Variants in ZNF554 observed in about 807,000 individuals in gnomAD.
ZNF554 encodes the protein zinc finger protein 554.
ZNF554 carries 15 observed loss-of-function variants against 21.2 expected under a neutral mutation model. The observed-to-expected ratio is 0.71, with a 90% CI of 0.47 to 1.09. The LOEUF is 1.09. Ranked by LOEUF, ZNF554 falls within the 50% of genes least tolerant of loss-of-function variation. The pLI, the probability that ZNF554 is intolerant of heterozygous loss-of-function variation, is 0.00. For synonymous variants in ZNF554, 258 were observed against 251.4 expected (o/e 1.03, Z -0.25); for missense variants, 691 against 662.7 (o/e 1.04, Z -0.47).
chr19:2,828,315 G>A (rs1445470351), intron 3 of ZNF554, among the ~76,000 whole-genome samples: 1 of 152,188 alleles, frequency 6.6e-6, no homozygotes, highest in Non-Finnish European at 1.5e-5. Flanking sequence ...GCAATTGCAT[G>A]TCTCAGCTCA....
intron 2 of ZNF554, 144 bp from the exon 3 acceptor site, chr19:2,827,473 C>T (rs2144811812): frequency 1.0e-6 from 1 of 990,360 alleles, no homozygotes; most frequent in East Asian, 2.7e-5. Flanking sequence ...GGACAAGCAC[C>T]CACAAGGCAG....
Position 2,835,648 on chromosome 19 carries a change from G to A in ZNF554, c.*796G>A, listed in dbSNP as rs1042181321. The A allele has an allele frequency of 3.9e-5, 6 of 152,046 alleles. No individual in the cohort carries two copies. The highest frequency in any genetic ancestry group is 1.3e-4 in the Admixed American group (2 of 15,272). The allele number at this position is 152,046 out of a possible 1,614,324, so 9.4% of individuals were successfully genotyped here. On this transcript the variant is annotated 3_prime_UTR_variant, in exon 5 of 5. Coordinates refer to ENST00000317243, the MANE Select transcript of ZNF554 (RefSeq NM_001102651.2). ...GTGGGAGGAGTTGCCATTACACTAC[G>A]TCCAGTAAGCTCCAGACTTTCGGAA...
At chr19:2,827,192 A>G (rs576029407) in intron 2 of ZNF554, among the ~76,000 whole-genome samples, 19 of 152,338 alleles carry the variant, frequency 1.2e-4, no homozygotes, top group African/African-American at 4.1e-4. Flanking sequence ...TCTTCTTTCC[A>G]TTGAACAGAT....
intron 2 of ZNF554, among the ~76,000 whole-genome samples, chr19:2,826,713 G>A (rs2087339526): frequency 6.6e-6 from 1 of 150,778 alleles, no homozygotes; most frequent in East Asian, 2.0e-4. Context: ...CCAGGCTGGA[G>A]TGCAGTGGCG....
chr19:2,824,097 C>G (rs1306753953), intron 2 of ZNF554, among the ~76,000 whole-genome samples: 1 of 152,200 alleles, frequency 6.6e-6, no homozygotes, highest in African/African-American at 2.4e-5. Context: ...CCTGCAGGGA[C>G]TAGGGAGTCC....
Position 2,820,118 on chromosome 19 carries a change from C to T in ZNF554, c.47C>T (p.Ala16Val). The T allele has an allele frequency of 8.2e-7, 1 of 1,220,978 alleles. No individual in the cohort carries two copies. The highest frequency in any genetic ancestry group is 1.0e-6 in the Non-Finnish European group (1 of 980,802). 75.6% of individuals were successfully genotyped at this position (1,220,978 alleles called of 1,614,324 possible). A position where few individuals can be genotyped will look rare whatever the true frequency, so the allele number is the denominator to read the frequency against. ...GGCCGGCGCGCGCGGCTCCCGGCAG[C>T]TCAGCCGTAAGTGCCGCCGCCTCCC... Reference protein sequence around the residue: ...HLGRRARLPAAQPSACPGTCF... With the variant: ...HLGRRARLPAVQPSACPGTCF... Residue 16 changes from alanine (A) to valine (V), a missense_variant, in exon 1 of 5, where the codon GCT becomes GTT. Physicochemically the swap from Ala to Val is moderately conservative, Grantham distance 64. Transcript: ENST00000317243.
In ZNF554 at chr19:2,834,605, C is replaced by G. The variant is rs753374510; in HGVS notation, c.1370C>G (p.Thr457Ser). The G allele has an allele frequency of 6.2e-7, 1 of 1,613,942 alleles. No individual in the cohort carries two copies. The highest frequency in any genetic ancestry group is 1.7e-5 in the Admixed American group (1 of 59,998). Residue 457 changes from threonine to serine, a missense_variant, in exon 5 of 5, where the codon ACT becomes AGT. Thr to Ser is a moderately conservative substitution (Grantham distance 58). Coordinates refer to ENST00000317243, the MANE Select transcript of ZNF554 (RefSeq NM_001102651.2). ...TCCTCTCTCAACCAGCACGAGCGAA[C>G]TCACACGGGCGAGAACCCCTATGAA... ...DRSSLNQHER[T>S]HTGENPYECK... is the part of the protein sequence containing the mutation.
At chr19:2,827,509 T>C (rs1430380104) in intron 2 of ZNF554, 108 bp from the exon 3 acceptor site, 12 of 1,403,144 alleles carry the variant, frequency 8.6e-6, no homozygotes, top group African/African-American at 1.4e-5. Flanking sequence ...TTATGGACTT[T>C]GCACCTTGAC....
In ZNF554 at chr19:2,834,861, C is replaced by G. The variant is rs188183451; in HGVS notation, c.*9C>G. 1 of 1,564,266 alleles carries G rather than the reference C, an allele frequency of 6.4e-7. No homozygotes were observed. The highest frequency in any genetic ancestry group is 2.3e-5 in the East Asian group (1 of 44,270). ...ATCTTATTGGATATTAGCAATTGCACGCTGCTTTGTAAGCCACTTTTTAGT... is the reference window on the plus strand; with the variant it reads ...ATCTTATTGGATATTAGCAATTGCAGGCTGCTTTGTAAGCCACTTTTTAGT... On this transcript the variant is annotated 3_prime_UTR_variant, in exon 5 of 5. Coordinates refer to ENST00000317243, the MANE Select transcript of ZNF554 (RefSeq NM_001102651.2).
In ZNF554 at chr19:2,834,838, C is replaced by T; in HGVS notation, c.1603C>T (p.Leu535Phe). Residue 535 changes from leucine to phenylalanine, a missense_variant, in exon 5 of 5, where the codon CTT (leucine) becomes TTT (phenylalanine). By Grantham distance (22) the Leu-to-Phe change is conservative. Transcript: ENST00000317243. The part of the protein sequence containing the change: ...CGKAFYQNRH[L>F]IGY ...GAAAGCGTTCTACCAGAACAGACAT[C>T]TTATTGGATATTAGCAATTGCACGC... 2 of 1,588,722 alleles carry T rather than the reference C, an allele frequency of 1.3e-6. No homozygotes were observed. The highest frequency in any genetic ancestry group is 1.3e-5 in the African/African-American group (1 of 74,178).
At chr19:2,823,961 C>A (rs2087295831) in intron 2 of ZNF554, among the ~76,000 whole-genome samples, 2 of 152,094 alleles carry the variant, frequency 1.3e-5, no homozygotes, top group South Asian at 4.1e-4. Flanking sequence ...GAAGGTGGGG[C>A]CTTACTGGGG....
chr19:2,828,520 C>A (rs1293483431), intron 3 of ZNF554, among the ~76,000 whole-genome samples: 2 of 151,928 alleles, frequency 1.3e-5, no homozygotes, highest in African/African-American at 4.8e-5. Context: ...GAAACCCTGT[C>A]TCTACTAAAA....
chr19:2,825,000 GTTGTT>G (rs546972712), intron 2 of ZNF554, among the ~76,000 whole-genome samples: 5,853 of 114,602 alleles, frequency 0.051, 589 homozygotes, highest in East Asian at 0.27. Context: ...CGTGATTGCA[GTTGTT>G]TTTTTTTTTT....
In ZNF554 at chr19:2,824,357, C is replaced by G. The variant is rs60525035; in HGVS notation, c.126+1245C>G. ...GTTCCCCCAAGAGCACAGGGAGGCT[C>G]GAATCCACAGCTACAGGAGGACGGG... On this transcript the variant is annotated intron_variant, in intron 2 of 4. Coordinates refer to ENST00000317243, the MANE Select transcript of ZNF554 (RefSeq NM_001102651.2). Among the ~76,000 whole-genome samples, 185 of 152,194 alleles carry G rather than the reference C, an allele frequency of 1.2e-3. 1 individual carries two copies. Among genetic ancestry groups the G allele is most frequent in the African/African-American group, 4.2e-3 (176 of 41,524 alleles).
chr19:2,820,321 G>T (rs1188304494), intron 1 of ZNF554, among the ~76,000 whole-genome samples, 197 bp downstream of exon 1: 3 of 152,220 alleles, frequency 2.0e-5, no homozygotes, highest in Non-Finnish European at 4.4e-5. Flanking sequence ...CTGTGAAAAC[G>T]CCCCTGGGTG....
rs777838058 is a variant in ZNF554 at position 2,827,640 on chromosome 19, G to A, written c.150G>A (p.Val50=). The change falls in exon 3 of 5, where the codon GTG becomes GTA. Residue 50 remains valine (V), a synonymous_variant. Coordinates refer to ENST00000317243, the MANE Select transcript of ZNF554 (RefSeq NM_001102651.2). ...WSQELVTFED[V]SMDFSQEEWE... ...AGGAATTAGTAACCTTTGAGGACGT[G>A]TCCATGGACTTCTCCCAGGAGGAGT... 3.1e-6 allele frequency: 5 copies of A among 1,613,772 alleles called. No homozygotes were observed. The East Asian group carries it at 1.1e-4, about 36-fold the overall frequency.
Position 2,833,924 on chromosome 19 carries a change from C to T in ZNF554, c.689C>T (p.Pro230Leu). 2.5e-6 allele frequency: 4 copies of T among 1,614,032 alleles called. No individual in the cohort carries two copies. The highest frequency in any genetic ancestry group is 3.4e-6 in the Non-Finnish European group (4 of 1,180,012). Reference sequence around the variant, plus strand: ...TTTGGGGAAAATGGTAATCTGAGCCCAGCCCTTGTTTTATCACAGGGAAGC... The same window carrying T: ...TTTGGGGAAAATGGTAATCTGAGCCTAGCCCTTGTTTTATCACAGGGAAGC... The part of the protein sequence containing the change: ...HGFGENGNLS[P>L]ALVLSQGSSK... Residue 230 changes from proline to leucine, a missense_variant, in exon 5 of 5, where the codon CCA becomes CTA. Physicochemically the swap from Pro to Leu is moderately conservative, Grantham distance 98. Coordinates refer to ENST00000317243, the MANE Select transcript of ZNF554 (RefSeq NM_001102651.2).
At chr19:2,824,257 T>C (rs1215391408) in intron 2 of ZNF554, among the ~76,000 whole-genome samples, 1 of 151,960 alleles carries the variant, frequency 6.6e-6, no homozygotes, top group Non-Finnish European at 1.5e-5. Flanking sequence ...CTTCCTGGAG[T>C]GCGAGGCCCA....
chr19:2,826,788 A>C (rs1474389262), intron 2 of ZNF554, among the ~76,000 whole-genome samples: 3 of 151,536 alleles, frequency 2.0e-5, no homozygotes, highest in African/African-American at 7.3e-5. Context: ...CAGCCTCCCG[A>C]GTAGCTAGGA....
Sources: gnomAD v4.1 joint callset for allele counts (sites outside exome capture counted in the v4.1 genomes callset) on GRCh38, gnomAD v4.1.1 for gene constraint, MANE v1.5 for transcripts, NCBI Gene and HGNC (gene_info 2026-07-23, HGNC 2026-07-21) for gene names.